Variants in TRPC5 observed in about 807,000 individuals in gnomAD.
TRPC5 encodes the protein transient receptor potential cation channel subfamily C member 5.
In TRPC5, 9 loss-of-function variants were observed where a neutral mutation model predicts 56.5. The ratio of observed to expected loss-of-function variants is 0.16; its 90% confidence interval spans 0.10 to 0.28. The LOEUF (loss-of-function observed/expected upper bound fraction) is 0.28. Ranked by LOEUF, TRPC5 falls within the 10% of genes least tolerant of loss-of-function variation. The pLI is 1.00. For missense variants in TRPC5, 469 were observed against 748.9 expected, an observed-to-expected ratio of 0.63 and a Z score of 4.36; for synonymous variants, 282 against 278.5, an observed-to-expected ratio of 1.01 and a Z score of -0.13.
At chrX:111,798,097 CTATTA>C (rs950329788) in intron 7 of TRPC5, among the ~76,000 whole-genome samples, 6 of 111,182 alleles carry the variant, frequency 5.4e-5, no homozygotes, top group African/African-American at 1.3e-4. Flanking sequence ...TGATGCTAGT[CTATTA>C]TATTATTTAC....
chrX:111,968,690 C>T (rs751809719), intron 1 of TRPC5, among the ~76,000 whole-genome samples: 85 of 107,250 alleles, frequency 7.9e-4, no homozygotes, highest in African/African-American at 2.5e-3. Flanking sequence ...ATGGATGAAA[C>T]TGGAAACCAT....
At chrX:112,043,113 A>G (rs12011265) in intron 1 of TRPC5, among the ~76,000 whole-genome samples, 13,503 of 111,086 alleles carry the variant, frequency 0.12, 687 homozygotes, top group African/African-American at 0.16. Flanking sequence ...CACCTCCTCA[A>G]TTAGGCTGTA....
At chrX:111,922,308 C>T (rs1926147598) in intron 2 of TRPC5, among the ~76,000 whole-genome samples, 2 of 111,877 alleles carry the variant, frequency 1.8e-5, no homozygotes, top group African/African-American at 6.5e-5. Context: ...CAGACCCAAC[C>T]TCTCCAACTG....
intron 1 of TRPC5, among the ~76,000 whole-genome samples, chrX:111,979,519 T>C (rs1388016967): frequency 9.0e-6 from 1 of 111,307 alleles, no homozygotes; most frequent in Non-Finnish European, 1.9e-5. Flanking sequence ...AAAGACACTA[T>C]TGAGAAAATG....
In TRPC5 at chrX:111,822,085, A is replaced by G. The variant is rs184386281; in HGVS notation, c.1896+12836T>C. ...GTAATTGTTATTTTATGTAGAGGCC[A>G]AAGGCACCTTTGACTTGGGGACTAT... On this transcript the variant is annotated intron_variant, in intron 7 of 10. Transcript: ENST00000262839. 6.3e-5 allele frequency among the ~76,000 whole-genome samples: 7 copies of G among 111,516 alleles called. No homozygotes were observed. In the East Asian group the frequency reaches 2.0e-3, roughly 31 times the overall value.
At chrX:111,793,927 T>G (rs1171947139) in intron 7 of TRPC5, among the ~76,000 whole-genome samples, 3 of 111,990 alleles carry the variant, frequency 2.7e-5, no homozygotes, top group Non-Finnish European at 3.8e-5. Flanking sequence ...GAAAATGTTA[T>G]TCTAAGTGAA....
rs962902966 is a variant in TRPC5 at position 111,989,064 on chromosome X, G to T, written c.-21-36623C>A. On this transcript the variant is annotated intron_variant, in intron 1 of 10. Coordinates refer to ENST00000262839, the MANE Select transcript of TRPC5 (RefSeq NM_012471.3). The stretch of plus-strand genomic sequence containing the variant: ...TAAATGTTCATTTTCTTCCTTTCTT[G>T]TTCCCTTTGCCTCATCCTGACGATG... Among the ~76,000 whole-genome samples the T allele has an allele frequency of 3.6e-5, 4 of 111,380 alleles. No individual in the cohort carries two copies. The East Asian group carries it at 1.1e-3, about 31-fold the overall frequency.
At chrX:111,888,813 T>C (rs752512622) in intron 3 of TRPC5, among the ~76,000 whole-genome samples, 1 of 109,245 alleles carries the variant, frequency 9.2e-6, no homozygotes, top group South Asian at 4.0e-4. Flanking sequence ...ATGTAGATGA[T>C]AGTGTGATGG....
chrX:111,872,708 C>T (rs952689859), intron 3 of TRPC5, among the ~76,000 whole-genome samples: 2 of 111,357 alleles, frequency 1.8e-5, no homozygotes, highest in Non-Finnish European at 1.9e-5. Context: ...CATGAACAGA[C>T]ACTTCTCAAA....
At chrX:111,900,960 T>C (rs1294711219) in intron 3 of TRPC5, among the ~76,000 whole-genome samples, 1 of 111,038 alleles carries the variant, frequency 9.0e-6, no homozygotes, top group Admixed American at 9.7e-5. Context: ...CAAAGCCCAC[T>C]AGACACGCAG....
At chrX:111,810,176 G>T (rs867406782) in intron 7 of TRPC5, among the ~76,000 whole-genome samples, 1 of 111,436 alleles carries the variant, frequency 9.0e-6, no homozygotes, top group Non-Finnish European at 1.9e-5. Context: ...ACCTCCCAAA[G>T]TGTGGGGATT....
At chrX:112,028,853 T>C (rs1018544173) in intron 1 of TRPC5, among the ~76,000 whole-genome samples, 1 of 112,220 alleles carries the variant, frequency 8.9e-6, no homozygotes, top group African/African-American at 3.2e-5. Context: ...ATCGCCACAC[T>C]GTCTTCCACA....
At chrX:111,997,724 C>T (rs1383223063) in intron 1 of TRPC5, among the ~76,000 whole-genome samples, 3 of 109,765 alleles carry the variant, frequency 2.7e-5, no homozygotes, top group Non-Finnish European at 5.7e-5. Flanking sequence ...TGTCTGCTTG[C>T]TTTATTTCAT....
intron 1 of TRPC5, among the ~76,000 whole-genome samples, chrX:112,010,385 C>T (rs936510922): frequency 2.7e-5 from 3 of 111,941 alleles, no homozygotes; most frequent in Admixed American, 1.9e-4. Context: ...GTACGTACAG[C>T]CATGCATTTC....
intron 1 of TRPC5, among the ~76,000 whole-genome samples, chrX:112,023,569 G>A (rs1420663093): frequency 9.0e-6 from 1 of 110,597 alleles, no homozygotes; most frequent in Non-Finnish European, 1.9e-5. Flanking sequence ...CTTGTCTTTG[G>A]AGCCTTGTGT....
chrX:111,809,024 T>C (rs374873892), intron 7 of TRPC5, among the ~76,000 whole-genome samples: 1 of 109,617 alleles, frequency 9.1e-6, no homozygotes, highest in African/African-American at 3.3e-5. Context: ...GGTATCCAAG[T>C]TGCAAGAGAA....
chrX:111,865,382 A>G (rs1289877286), intron 3 of TRPC5, among the ~76,000 whole-genome samples: 1 of 103,532 alleles, frequency 9.7e-6, no homozygotes, highest in African/African-American at 3.6e-5. Flanking sequence ...GCTAGAGTGC[A>G]GTGGTGTGAT....
intron 3 of TRPC5, among the ~76,000 whole-genome samples, 157 bp from the exon 4 acceptor site, chrX:111,854,263 C>T (rs1408302994): frequency 1.8e-5 from 2 of 111,933 alleles, no homozygotes; most frequent in Non-Finnish European, 3.8e-5. Context: ...TGCATCTAAC[C>T]CCGGAGACGG....
intron 1 of TRPC5, among the ~76,000 whole-genome samples, chrX:111,973,600 G>A (rs1160589952): frequency 9.0e-6 from 1 of 111,580 alleles, no homozygotes; most frequent in Non-Finnish European, 1.9e-5. Flanking sequence ...TTTCCACAGT[G>A]ATTCTAATCT....
Sources: gnomAD v4.1 joint callset for allele counts (sites outside exome capture counted in the v4.1 genomes callset) on GRCh38, gnomAD v4.1.1 for gene constraint, MANE v1.5 for transcripts, NCBI Gene and HGNC (gene_info 2026-07-23, HGNC 2026-07-21) for gene names.